The following ERC2 variants were observed in gnomAD, a reference collection of about 807,000 sequenced individuals.
The protein encoded by ERC2 is ERC protein 2.
In ERC2, 42 loss-of-function variants were observed where a neutral mutation model predicts 114.8. That is an observed-to-expected ratio of 0.37 (90% CI 0.29 to 0.47). The LOEUF is 0.47. Among genes scored for constraint, ERC2 ranks in the 20% least tolerant of loss-of-function variants. The probability of loss-of-function intolerance (pLI) is 0.99; values close to 1 mark genes in which losing one functional copy is unlikely to be tolerated. For synonymous variants in ERC2, 454 were observed against 425.5 expected (o/e 1.07, Z -0.82); for missense variants, 939 against 1,150.7 (o/e 0.82, Z 2.66).
chr3:55,901,433 AG>A (rs1045299866), intron 13 of ERC2, among the ~76,000 whole-genome samples: 7 of 152,266 alleles, frequency 4.6e-5, no homozygotes, highest in African/African-American at 1.7e-4. Flanking sequence ...TGGAGTTGAA[AG>A]ATTATTCAAT....
intron 15 of ERC2, among the ~76,000 whole-genome samples, chr3:55,725,184 T>C (rs2064833389): frequency 1.3e-5 from 2 of 152,190 alleles, no homozygotes; most frequent in South Asian, 4.1e-4. Context: ...CAAATCACTC[T>C]GAAATTTAAA....
chr3:55,899,552 G>T (rs945485599), intron 13 of ERC2, among the ~76,000 whole-genome samples: 6 of 152,006 alleles, frequency 3.9e-5, no homozygotes, highest in African/African-American at 1.2e-4. Flanking sequence ...GTGTTACAAA[G>T]AAATTAAATA....
intron 14 of ERC2, among the ~76,000 whole-genome samples, chr3:55,765,999 A>G (rs1276985252): frequency 6.6e-6 from 1 of 152,230 alleles, no homozygotes; most frequent in African/African-American, 2.4e-5. Flanking sequence ...ACTGTACTCC[A>G]AATTGGGGGA....
chr3:55,952,179 A>ACTCTCT (rs775838556), intron 12 of ERC2, among the ~76,000 whole-genome samples: 8 of 62,096 alleles, frequency 1.3e-4, no homozygotes, highest in Admixed American at 1.9e-4. Flanking sequence ...ACACACACAC[A>ACTCTCT]CTCTCTCTCT....
intron 14 of ERC2, among the ~76,000 whole-genome samples, chr3:55,774,418 C>A (rs1295862803): frequency 1.3e-5 from 2 of 152,198 alleles, no homozygotes; most frequent in African/African-American, 4.8e-5. Flanking sequence ...ACTCAGGGAC[C>A]CCCCGACTTC....
At chr3:56,261,572 C>G (rs1203164530) in intron 3 of ERC2, among the ~76,000 whole-genome samples, 1 of 152,188 alleles carries the variant, frequency 6.6e-6, no homozygotes, top group Non-Finnish European at 1.5e-5. Flanking sequence ...CGAGCTTTTC[C>G]TGAACTGTGC....
intron 6 of ERC2, among the ~76,000 whole-genome samples, chr3:56,088,431 C>T (rs1225454704): frequency 6.6e-6 from 1 of 152,044 alleles, no homozygotes; most frequent in Non-Finnish European, 1.5e-5. Flanking sequence ...ATAGGACCTT[C>T]AACTTCCCTT....
intron 15 of ERC2, among the ~76,000 whole-genome samples, chr3:55,711,248 T>C (rs935728995): frequency 6.6e-6 from 1 of 152,214 alleles, no homozygotes; most frequent in African/African-American, 2.4e-5. Flanking sequence ...TTTTTCTTTT[T>C]TAAATAACAT....
At chr3:55,514,918 A>T (rs538454119) in intron 17 of ERC2, among the ~76,000 whole-genome samples, 1 of 152,364 alleles carries the variant, frequency 6.6e-6, no homozygotes, top group East Asian at 1.9e-4. Flanking sequence ...ATGTAGCCAA[A>T]GAAGACTAAT....
At chr3:55,806,653 A>G (rs900012891) in intron 14 of ERC2, among the ~76,000 whole-genome samples, 1 of 152,222 alleles carries the variant, frequency 6.6e-6, no homozygotes, top group Non-Finnish European at 1.5e-5. Flanking sequence ...CAGGGATGCT[A>G]CTAAGCATCC....
intron 13 of ERC2, among the ~76,000 whole-genome samples, chr3:55,899,500 A>AGT (rs994506735): frequency 2.0e-5 from 3 of 151,802 alleles, no homozygotes; most frequent in African/African-American, 7.3e-5. Flanking sequence ...TACGTGTGTG[A>AGT]GTGTGTGTGT....
At chr3:55,888,869 C>T (rs1159552873) in intron 13 of ERC2, among the ~76,000 whole-genome samples, 5 of 152,150 alleles carry the variant, frequency 3.3e-5, no homozygotes, top group African/African-American at 7.2e-5. Context: ...AAAGAGCTTA[C>T]TCATGTAACC....
chr3:55,587,795 C>T (rs1239230653), intron 17 of ERC2, among the ~76,000 whole-genome samples: 1 of 152,158 alleles, frequency 6.6e-6, no homozygotes, highest in Admixed American at 6.5e-5. Context: ...CTAAGCTATT[C>T]ACATGTACTA....
At chr3:55,865,256 C>T (rs1201108173) in intron 14 of ERC2, among the ~76,000 whole-genome samples, 1 of 152,204 alleles carries the variant, frequency 6.6e-6, no homozygotes, top group Non-Finnish European at 1.5e-5. Context: ...GTGAGTTTCA[C>T]TTCAAGCACC....
intron 13 of ERC2, among the ~76,000 whole-genome samples, chr3:55,919,930 T>C (rs1019277650): frequency 2.0e-5 from 3 of 152,168 alleles, no homozygotes; most frequent in Non-Finnish European, 4.4e-5. Context: ...TAAGTGAAGT[T>C]AATGAATAAA....
intron 13 of ERC2, among the ~76,000 whole-genome samples, chr3:55,895,033 T>C (rs1005622958): frequency 1.3e-5 from 2 of 152,166 alleles, no homozygotes; most frequent in African/African-American, 2.4e-5. Context: ...TGCCCATTCT[T>C]TAAGGCCCTG....
chr3:55,647,208 C>T (rs1375332811), intron 17 of ERC2: 1 of 152,178 alleles, frequency 6.6e-6, no homozygotes, highest in Non-Finnish European at 1.5e-5. Context: ...GCACTACAAT[C>T]CCCGCCTCCC....
intron 14 of ERC2, among the ~76,000 whole-genome samples, chr3:55,835,766 G>A (rs1378804137): frequency 6.6e-6 from 1 of 152,130 alleles, no homozygotes; most frequent in Non-Finnish European, 1.5e-5. Flanking sequence ...GATTAGGCAG[G>A]AGAAGGAAAT....
intron 2 of ERC2, among the ~76,000 whole-genome samples, chr3:56,341,658 C>G (rs1036799402): frequency 2.0e-5 from 3 of 152,054 alleles, no homozygotes; most frequent in African/African-American, 4.8e-5. Flanking sequence ...CTCTCTATCA[C>G]CAGATATCAT....
Sources: gnomAD v4.1 joint callset for allele counts (sites outside exome capture counted in the v4.1 genomes callset) on GRCh38, gnomAD v4.1.1 for gene constraint, MANE v1.5 for transcripts, NCBI Gene and HGNC (gene_info 2026-07-23, HGNC 2026-07-21) for gene names.